The following SGCZ variants were observed in gnomAD, a reference collection of about 807,000 sequenced individuals.
SGCZ encodes zeta-sarcoglycan.
SGCZ carries 40 observed loss-of-function variants against 41.3 expected under a neutral mutation model. The ratio of observed to expected loss-of-function variants is 0.97; its 90% CI spans 0.75 to 1.26. The LOEUF is 1.26. SGCZ is among the 50% of genes most tolerant of loss of function. The pLI is 0.00. For synonymous variants in SGCZ, 206 were observed against 137.5 expected (o/e 1.50, Z -3.49); for missense variants, 552 against 369.8 (o/e 1.49, Z -4.04).
intron 1 of SGCZ, among the ~76,000 whole-genome samples, chr8:15,037,889 C>A (rs1383099122): frequency 6.6e-6 from 1 of 151,570 alleles, no homozygotes; most frequent in Non-Finnish European, 1.5e-5. Context: ...GCTCAAGAAA[C>A]CAGAAATAAG....
chr8:15,202,503 G>T (rs542664324), intron 1 of SGCZ, among the ~76,000 whole-genome samples: 2 of 152,208 alleles, frequency 1.3e-5, no homozygotes, highest in African/African-American at 2.4e-5. Context: ...TTAGGGAAAA[G>T]GTTGGGAGGT....
chr8:14,276,177 A>G (rs1208698349), intron 3 of SGCZ, among the ~76,000 whole-genome samples: 1 of 152,210 alleles, frequency 6.6e-6, no homozygotes, highest in Non-Finnish European at 1.5e-5. Flanking sequence ...CATTGAAAGT[A>G]GTAGAAATTA....
intron 5 of SGCZ, among the ~76,000 whole-genome samples, chr8:14,119,282 C>T (rs1039220473): frequency 6.6e-6 from 1 of 152,044 alleles, no homozygotes; most frequent in African/African-American, 2.4e-5. Context: ...CTTCACATCC[C>T]CTGTAAGTTG....
chr8:14,436,595 C>A (rs1333805398), intron 2 of SGCZ, among the ~76,000 whole-genome samples: 3 of 152,174 alleles, frequency 2.0e-5, no homozygotes, highest in Non-Finnish European at 4.4e-5. Context: ...GTACCAAAGG[C>A]ACAAGCACTA....
At chr8:14,208,477 G>C (rs1164828028) in intron 4 of SGCZ, among the ~76,000 whole-genome samples, 1 of 152,118 alleles carries the variant, frequency 6.6e-6, no homozygotes. Flanking sequence ...AAAATATATA[G>C]AGCTGATATC....
chr8:14,508,750 G>C lies in SGCZ; in HGVS notation c.234+45982C>G, dbSNP rs112171872. ...GGTTGTCAAGTTTTAGACTAAATTA[G>C]TTTTAATAGGCTTTACCGTTTCACA... is the stretch of plus-strand genomic sequence containing the variant. On this transcript the variant is annotated intron_variant, in intron 2 of 7. Transcript: ENST00000382080. Among the ~76,000 whole-genome samples, 1,029 of 152,180 alleles carry C rather than the reference G, an allele frequency of 6.8e-3. 16 individuals are homozygous for C. The highest frequency in any genetic ancestry group is 0.023 in the African/African-American group (960 of 41,512).
intron 2 of SGCZ, among the ~76,000 whole-genome samples, chr8:14,377,855 G>A (rs1468885017): frequency 6.6e-6 from 1 of 151,732 alleles, no homozygotes; most frequent in East Asian, 1.9e-4. Context: ...CAAAGGACAT[G>A]AACTCATCAT....
At chr8:14,552,061 A>G (rs1402279423) in intron 2 of SGCZ, among the ~76,000 whole-genome samples, 1 of 128,052 alleles carries the variant, frequency 7.8e-6, no homozygotes, top group East Asian at 2.3e-4. Context: ...GTGTAGATCA[A>G]TAGTACTCCC....
At chr8:14,447,731 A>T (rs961427606) in intron 2 of SGCZ, among the ~76,000 whole-genome samples, 2 of 152,212 alleles carry the variant, frequency 1.3e-5, no homozygotes, top group Non-Finnish European at 2.9e-5. Context: ...CAAGAAAATA[A>T]GTAGCCAGTG....
At chr8:14,438,509 T>A (rs1800155291) in intron 2 of SGCZ, among the ~76,000 whole-genome samples, 2 of 152,024 alleles carry the variant, frequency 1.3e-5, no homozygotes, top group Non-Finnish European at 2.9e-5. Flanking sequence ...TATTCAATTC[T>A]ATTCTAGACT....
At chr8:14,466,738 T>C (rs887178777) in intron 2 of SGCZ, among the ~76,000 whole-genome samples, 4 of 151,962 alleles carry the variant, frequency 2.6e-5, no homozygotes, top group Admixed American at 2.6e-4. Flanking sequence ...AGTCTGCTTT[T>C]AAAATCCTCT....
At chr8:14,681,042 C>A (rs1256535068) in intron 1 of SGCZ, among the ~76,000 whole-genome samples, 1 of 149,236 alleles carries the variant, frequency 6.7e-6, no homozygotes, top group Non-Finnish European at 1.5e-5. Flanking sequence ...AATTGAAATC[C>A]ATAGATGAAA....
At chr8:14,467,153 C>A (rs963749559) in intron 2 of SGCZ, among the ~76,000 whole-genome samples, 1 of 151,806 alleles carries the variant, frequency 6.6e-6, no homozygotes, top group Non-Finnish European at 1.5e-5. Flanking sequence ...GAAGTCATTT[C>A]TGAAACTGTG....
chr8:14,251,390 T>C (rs1362954923), intron 3 of SGCZ, among the ~76,000 whole-genome samples: 1 of 152,196 alleles, frequency 6.6e-6, no homozygotes, highest in Non-Finnish European at 1.5e-5. Context: ...AATCAGATAG[T>C]AAATATATTA....
chr8:14,540,179 T>C (rs1379962103), intron 2 of SGCZ, among the ~76,000 whole-genome samples: 1 of 151,474 alleles, frequency 6.6e-6, no homozygotes, highest in African/African-American at 2.4e-5. Flanking sequence ...ATTGGTGCTA[T>C]ATTTTTACTC....
At chr8:14,187,523 G>T (rs1804944797) in intron 4 of SGCZ, among the ~76,000 whole-genome samples, 1 of 151,848 alleles carries the variant, frequency 6.6e-6, no homozygotes, top group Non-Finnish European at 1.5e-5. Flanking sequence ...AAAGATATAG[G>T]AATTATAAAT....
chr8:14,768,393 T>G (rs532430654), intron 1 of SGCZ, among the ~76,000 whole-genome samples: 1 of 152,282 alleles, frequency 6.6e-6, no homozygotes, highest in South Asian at 2.1e-4. Context: ...ACTGAAACAG[T>G]TTTTCATTTC....
At chr8:14,252,632 C>T (rs553221666) in intron 3 of SGCZ, among the ~76,000 whole-genome samples, 15 of 152,076 alleles carry the variant, frequency 9.9e-5, no homozygotes, top group African/African-American at 1.9e-4. Context: ...ATTGTACCTG[C>T]TAAGTCCTAG....
At chr8:14,751,416 C>T (rs1174706541) in intron 1 of SGCZ, among the ~76,000 whole-genome samples, 2 of 152,064 alleles carry the variant, frequency 1.3e-5, no homozygotes, top group African/African-American at 4.8e-5. Flanking sequence ...ATCTTATCTA[C>T]CTTCTGATCA....
Sources: gnomAD v4.1 joint callset for allele counts (sites outside exome capture counted in the v4.1 genomes callset) on GRCh38, gnomAD v4.1.1 for gene constraint, MANE v1.5 for transcripts, NCBI Gene and HGNC (gene_info 2026-07-23, HGNC 2026-07-21) for gene names.